PTPN4: variants seen among roughly 807,000 people sequenced by gnomAD.
PTPN4 encodes tyrosine-protein phosphatase non-receptor type 4.
Under a neutral mutation model 135.5 loss-of-function variants are expected in PTPN4, and 49 were observed. That is an observed-to-expected ratio of 0.36 (90% CI 0.29 to 0.46). PTPN4 has a LOEUF of 0.46. PTPN4 is among the 20% of genes least tolerant of loss of function. The pLI is 1.00. For missense variants in PTPN4, 860 were observed against 1,101.0 expected (o/e 0.78, Z 3.10); for synonymous variants, 333 against 369.9 (o/e 0.90, Z 1.14).
At chr2:119,917,714 G>A (rs1265943166) in intron 11 of PTPN4, among the ~76,000 whole-genome samples, 1 of 151,998 alleles carries the variant, frequency 6.6e-6, no homozygotes, top group Non-Finnish European at 1.5e-5. Context: ...GGACAACAGA[G>A]CTGGACTCTG....
At chr2:119,802,542 C>A (rs959487785) in intron 1 of PTPN4, among the ~76,000 whole-genome samples, 14 of 152,084 alleles carry the variant, frequency 9.2e-5, no homozygotes. Context: ...ATTGGGTGAA[C>A]CTTGTTGCAC....
At chr2:119,768,495 A>G (rs1161281044) in intron 1 of PTPN4, among the ~76,000 whole-genome samples, 2 of 152,192 alleles carry the variant, frequency 1.3e-5, no homozygotes, top group East Asian at 1.9e-4. Flanking sequence ...ATCTGTTTCT[A>G]TGCCTATGTA....
chr2:119,831,428 A>C (rs1574357737), intron 2 of PTPN4, among the ~76,000 whole-genome samples: 1 of 152,110 alleles, frequency 6.6e-6, no homozygotes, highest in Non-Finnish European at 1.5e-5. Context: ...TGGACTCTCT[A>C]TTATTTTTTG....
chr2:119,943,580 C>CTTTTT (rs70949374), intron 15 of PTPN4, among the ~76,000 whole-genome samples: 64 of 79,916 alleles, frequency 8.0e-4, no homozygotes, highest in African/African-American at 1.5e-3. Context: ...TCATTTTTTT[C>CTTTTT]TTTTTTTTTT....
At chr2:119,921,844 T>C (rs1261069020) in intron 12 of PTPN4, among the ~76,000 whole-genome samples, 1 of 152,174 alleles carries the variant, frequency 6.6e-6, no homozygotes, top group Non-Finnish European at 1.5e-5. Context: ...AGATATTCTT[T>C]CAATGAATTT....
At position 119,859,600 on chromosome 2, in the gene PTPN4, C is replaced by T. The variant is rs534083385; in HGVS notation, c.139-2936C>T. Among the ~76,000 whole-genome samples the T allele has an allele frequency of 6.6e-5, 10 of 152,278 alleles. No individual in the cohort carries two copies. In the South Asian group the frequency reaches 1.9e-3, roughly 28 times the overall value. On this transcript the variant is annotated intron_variant, in intron 2 of 26. Transcript: ENST00000263708. Reference sequence around the variant, plus strand: ...CTATGTGATGATAGCAGTGGAAGTCCAGGCTTCCTCTTCAGCTTCTCCTAG... The same window carrying T: ...CTATGTGATGATAGCAGTGGAAGTCTAGGCTTCCTCTTCAGCTTCTCCTAG...
At position 119,977,152 on chromosome 2, in the gene PTPN4, G is replaced by A; in HGVS notation, c.*82G>A. On this transcript the variant is annotated 3_prime_UTR_variant, in exon 27 of 27. Coordinates refer to ENST00000263708, the MANE Select transcript of PTPN4 (RefSeq NM_002830.4). ...TGCCATAATGCTGCTCGCAGGAAAT[G>A]GCATTTTACAAAAAAAAAATGAAGA... 1 of 1,375,890 alleles carries A rather than the reference G, an allele frequency of 7.3e-7. No individual in the cohort carries two copies. The highest frequency in any genetic ancestry group is 9.4e-7 in the Non-Finnish European group (1 of 1,060,896). The allele number at this position is 1,375,890 out of a possible 1,614,324, so 85.2% of individuals were successfully genotyped here.
chr2:119,778,589 C>A lies in PTPN4; in HGVS notation c.-18+18205C>A, dbSNP rs546369514. Among the ~76,000 whole-genome samples the A allele has an allele frequency of 1.4e-4, 22 of 152,060 alleles. No individual in the cohort carries two copies. In the South Asian group the frequency reaches 2.1e-3, roughly 14 times the overall value. On this transcript the variant is annotated intron_variant, in intron 1 of 26. Transcript: ENST00000263708. The stretch of plus-strand genomic sequence containing the variant: ...CGGGAGTGTGTTTCTTTCTTGCACG[C>A]ACAGTACTTTAAATGCTGAAATGTA...
intron 23 of PTPN4, among the ~76,000 whole-genome samples, chr2:119,962,331 G>A (rs1034989637): frequency 6.6e-6 from 1 of 152,018 alleles, no homozygotes; most frequent in African/African-American, 2.4e-5. Flanking sequence ...GCACATGCCT[G>A]TAATCCCAGC....
At chr2:119,828,559 G>A (rs1294393835) in intron 2 of PTPN4, among the ~76,000 whole-genome samples, 1 of 152,184 alleles carries the variant, frequency 6.6e-6, no homozygotes, top group Non-Finnish European at 1.5e-5. Flanking sequence ...ATATACTTCT[G>A]TTGGGCAATT....
intron 24 of PTPN4, among the ~76,000 whole-genome samples, chr2:119,964,533 AC>A: frequency 6.6e-6 from 1 of 152,292 alleles, no homozygotes; most frequent in South Asian, 2.1e-4. Flanking sequence ...AGCTTTGTTC[AC>A]AAAAAATGTT....
intron 1 of PTPN4, among the ~76,000 whole-genome samples, chr2:119,778,302 C>T (rs772046814): frequency 6.6e-5 from 10 of 152,134 alleles, no homozygotes; most frequent in Non-Finnish European, 1.3e-4. Flanking sequence ...AGGTAATGAA[C>T]TGTAGATAGG....
chr2:119,847,708 G>T (rs542498536), intron 2 of PTPN4, among the ~76,000 whole-genome samples: 2 of 152,236 alleles, frequency 1.3e-5, no homozygotes, highest in South Asian at 2.1e-4. Context: ...ACTGTCTGGG[G>T]TCACTTTTTT....
chr2:119,921,683 T>G (rs116609643), intron 12 of PTPN4, among the ~76,000 whole-genome samples: 2,191 of 151,612 alleles, frequency 0.014, 47 homozygotes, highest in African/African-American at 0.05. Context: ...TACTTGCAAA[T>G]TTAAAAGCAA....
chr2:119,960,798 T>C lies in PTPN4; in HGVS notation c.2134-9T>C. 1 of 1,604,268 alleles carries C rather than the reference T, an allele frequency of 6.2e-7. No homozygotes were observed. The highest frequency in any genetic ancestry group is 8.5e-7 in the Non-Finnish European group (1 of 1,177,556). On this transcript the variant is annotated splice_polypyrimidine_tract_variant and intron_variant, in intron 22 of 26. Transcript: ENST00000263708. ...AAAACATTTTATTTTCATGCCCTTT[T>C]CTTTTTAGATGGAAATTCCTTCTTC...
intron 11 of PTPN4, among the ~76,000 whole-genome samples, chr2:119,918,920 C>T (rs1050539234): frequency 3.3e-5 from 5 of 152,156 alleles, no homozygotes; most frequent in African/African-American, 2.4e-5. Flanking sequence ...GCTTCATAAA[C>T]GTTGAATTTA....
chr2:119,918,349 T>C (rs905118939), intron 11 of PTPN4, among the ~76,000 whole-genome samples: 1 of 152,180 alleles, frequency 6.6e-6, no homozygotes, highest in Non-Finnish European at 1.5e-5. Flanking sequence ...TTGGACTATG[T>C]TAAAATTAAT....
intron 3 of PTPN4, among the ~76,000 whole-genome samples, chr2:119,873,483 G>C (rs1677943553): frequency 1.3e-5 from 2 of 152,118 alleles, no homozygotes; most frequent in African/African-American, 4.8e-5. Flanking sequence ...GCAGTATATA[G>C]AGTAAACAAG....
chr2:119,786,693 G>C (rs577858416), intron 1 of PTPN4, among the ~76,000 whole-genome samples: 6 of 152,296 alleles, frequency 3.9e-5, no homozygotes, highest in Middle Eastern at 3.4e-3. Context: ...AAGTCACTGC[G>C]TCATTTCTGC....
Sources: allele counts gnomAD v4.1 joint callset (sites outside exome capture counted in the v4.1 genomes callset), GRCh38; gene constraint gnomAD v4.1.1; transcripts MANE v1.5; gene names NCBI Gene and HGNC (gene_info 2026-07-23, HGNC 2026-07-21).